MRPS18C: variants seen among roughly 807,000 people sequenced by gnomAD.
MRPS18C encodes mitochondrial ribosomal protein S18C, also known as small ribosomal subunit protein bS18m.
MRPS18C carries 21 observed loss-of-function variants against 21.0 expected under a neutral mutation model. The observed-to-expected ratio is 1.00, with a 90% CI of 0.71 to 1.44. The LOEUF (loss-of-function observed/expected upper bound fraction) is 1.44, where lower values mean the gene tolerates loss of function less well. Among genes scored for constraint, MRPS18C ranks in the 40% most tolerant of loss-of-function variants. MRPS18C has a pLI of 0.00. For missense variants in MRPS18C, 152 were observed against 171.5 expected, an observed-to-expected ratio of 0.89 and a Z score of 0.64; for synonymous variants, 65 against 54.3, an observed-to-expected ratio of 1.20 and a Z score of -0.87.
intron 3 of MRPS18C, chr4:83,458,646 G>T: frequency 2.5e-6 from 1 of 407,230 alleles, no homozygotes; most frequent in South Asian, 3.4e-5. Flanking sequence ...TTTCCACTCT[G>T]TTTTTTTCAC....
chr4:83,456,657 G>A (rs1360065466), intron 1 of MRPS18C, among the ~76,000 whole-genome samples: 2 of 152,090 alleles, frequency 1.3e-5, no homozygotes, highest in Non-Finnish European at 2.9e-5. Flanking sequence ...ATGGAATGAA[G>A]GGAAAATAAA....
At position 83,456,111 on chromosome 4, in the gene MRPS18C, G is replaced by C. The variant is rs755793620; in HGVS notation, c.34G>C (p.Gly12Arg). The change falls in exon 1 of 6, where the codon GGG (glycine) becomes CGG (arginine). Residue 12 changes from glycine to arginine, a missense_variant. Gly to Arg is a moderately radical substitution (Grantham distance 125). This residue lies in a region of MRPS18C where 118 missense variants were observed against 104.4 expected (regional missense o/e 1.13). Coordinates refer to ENST00000295491, the MANE Select transcript of MRPS18C (RefSeq NM_016067.4). ...TGTGGTTGCTGTTTGCGGTGGTCTA[G>C]GGAGGAAGAAGTTGACACACTTGGT... ...AAVVAVCGGL[G>R]RKKLTHLVTA... The C allele has an allele frequency of 1.2e-5, 20 of 1,612,892 alleles. No homozygotes were observed. The highest frequency in any genetic ancestry group is 1.7e-5 in the Non-Finnish European group (20 of 1,180,030).
intron 1 of MRPS18C, 104 bp from the exon 2 acceptor site, chr4:83,456,805 T>A (rs987143310): frequency 2.0e-5 from 23 of 1,129,804 alleles, no homozygotes; most frequent in African/African-American, 4.7e-5. Flanking sequence ...AACCTTTCTT[T>A]AATATCGTGT....
chr4:83,459,802 G>T lies in MRPS18C; in HGVS notation c.292+5G>T, dbSNP rs12505955. 647,713 of 1,581,958 alleles carry T rather than the reference G, an allele frequency of 0.41. 139,031 individuals carry two copies. Among genetic ancestry groups the T allele is most frequent in the East Asian group, 0.64 (28,608 of 44,378 alleles). On this transcript the variant is annotated splice_donor_5th_base_variant and intron_variant, in intron 4 of 5. Coordinates refer to ENST00000295491, the MANE Select transcript of MRPS18C (RefSeq NM_016067.4). ...TTTATGGAAGGCACATTACAGGTATGTTCTTTTTTATTATGGGAATATAAA... is the reference window on the plus strand; with the variant it reads ...TTTATGGAAGGCACATTACAGGTATTTTCTTTTTTATTATGGGAATATAAA...
chr4:83,456,250 C>G (rs1721817316), intron 1 of MRPS18C, 73 bp downstream of exon 1: 1 of 1,303,906 alleles, frequency 7.7e-7, no homozygotes, highest in African/African-American at 1.5e-5. Context: ...TTAGAGTCGT[C>G]CCTGTTAGCA....
At position 83,462,238 on chromosome 4, in the gene MRPS18C, C is replaced by T; in HGVS notation, c.*1041C>T. The T allele has an allele frequency of 1.2e-5, 6 of 480,096 alleles. No homozygotes were observed. In the South Asian group the frequency reaches 1.5e-4, roughly 12 times the overall value. The allele number at this position is 480,096 out of a possible 1,614,324, so 29.7% of individuals were successfully genotyped here. ...AATGTGTCTGTGTAAGCCTTCCCCT[C>T]AACAACTTAGTGAAAGGTGAAAAAA... On this transcript the variant is annotated 3_prime_UTR_variant, in exon 6 of 6. Transcript: ENST00000295491.
At chr4:83,458,462 G>C (rs777519260) in intron 3 of MRPS18C, 33 bp downstream of exon 3, 9 of 1,498,168 alleles carry the variant, frequency 6.0e-6, no homozygotes, top group Middle Eastern at 1.7e-4. Flanking sequence ...TATATTTTAG[G>C]GTTTTGCTTC....
chr4:83,459,528 CT>C, intron 3 of MRPS18C: 1 of 456,498 alleles, frequency 2.2e-6, no homozygotes, highest in Non-Finnish European at 3.9e-6. Flanking sequence ...GCTGATTAAT[CT>C]GCTGTTTAAT....
At position 83,461,234 on chromosome 4, in the gene MRPS18C, G is replaced by C. The variant is rs762021545; in HGVS notation, c.*37G>C. On this transcript the variant is annotated 3_prime_UTR_variant, in exon 6 of 6. Transcript: ENST00000295491. ...TTACCACTAATAAACTTATTTTACA[G>C]TAAGTGGTTGTATGATGCCAATACT... is the stretch of plus-strand genomic sequence containing the variant. 1.9e-6 allele frequency: 3 copies of C among 1,573,726 alleles called. No individual in the cohort carries two copies. In the East Asian group the frequency reaches 6.7e-5, roughly 35 times the overall value.
At chr4:83,458,257 C>G (rs1290784678) in intron 2 of MRPS18C, 89 bp from the exon 3 acceptor site, 1 of 915,872 alleles carries the variant, frequency 1.1e-6, no homozygotes, top group East Asian at 2.6e-5. Context: ...TATAACTAAT[C>G]CTTTGAATGG....
chr4:83,458,110 ACAT>A (rs577294307), intron 2 of MRPS18C: 200 of 403,312 alleles, frequency 5.0e-4, no homozygotes, highest in African/African-American at 4.0e-3. Flanking sequence ...TTCTTATCAG[ACAT>A]CATTTTTGTT....
chr4:83,460,614 CTTG>C (rs760195987), intron 4 of MRPS18C: 28 of 216,420 alleles, frequency 1.3e-4, no homozygotes, highest in South Asian at 5.4e-4. Context: ...GACTTAAAAA[CTTG>C]TTGAGGCTGG....
intron 1 of MRPS18C, among the ~76,000 whole-genome samples, chr4:83,456,403 G>A (rs1178869682): frequency 6.6e-6 from 1 of 152,154 alleles, no homozygotes; most frequent in Admixed American, 6.5e-5. Flanking sequence ...TTAAAAAGCA[G>A]AGACTTTCCT....
chr4:83,462,216 G>A lies in MRPS18C; in HGVS notation c.*1019G>A. 1 of 400,826 alleles carries A rather than the reference G, an allele frequency of 2.5e-6. No homozygotes were observed. Among genetic ancestry groups the A allele is most frequent in the South Asian group, 3.3e-5 (1 of 30,316 alleles). The allele number at this position is 400,826 out of a possible 1,614,324, so 24.8% of individuals were successfully genotyped here. On this transcript the variant is annotated 3_prime_UTR_variant, in exon 6 of 6. Transcript: ENST00000295491. ...TCTCACTTTTCCAATTCTAAAGAAT[G>A]TGTCTGTGTAAGCCTTCCCCTCAAC...
At chr4:83,457,010 T>G in intron 2 of MRPS18C, 52 bp downstream of exon 2, 1 of 1,506,366 alleles carries the variant, frequency 6.6e-7, no homozygotes, top group Non-Finnish European at 9.1e-7. Flanking sequence ...GACCAAAATG[T>G]TTTTCTTTTT....
chr4:83,461,861 T>G lies in MRPS18C; in HGVS notation c.*664T>G, dbSNP rs1722131378. On this transcript the variant is annotated 3_prime_UTR_variant, in exon 6 of 6. Coordinates refer to ENST00000295491, the MANE Select transcript of MRPS18C (RefSeq NM_016067.4). ...GTGTAATAATTAAGGCTGCCAGATT[T>G]AGCAAGTACAAATGTAGGACAAATT... The G allele has an allele frequency of 4.4e-6, 1 of 228,236 alleles. No homozygotes were observed. Among genetic ancestry groups the G allele is most frequent in the South Asian group, 1.8e-4 (1 of 5,514 alleles). 14.1% of individuals were successfully genotyped at this position (228,236 alleles called of 1,614,324 possible).
chr4:83,457,107 TACTC>T (rs1356610027), intron 2 of MRPS18C, 149 bp downstream of exon 2: 6 of 607,984 alleles, frequency 9.9e-6, no homozygotes, highest in Non-Finnish European at 1.4e-5. Flanking sequence ...ATTTGATAAT[TACTC>T]TGAGTTCAGA....
chr4:83,460,694 A>G (rs997529080), intron 4 of MRPS18C: 4 of 335,736 alleles, frequency 1.2e-5, no homozygotes, highest in African/African-American at 2.2e-5. Flanking sequence ...ACCTGAGGCC[A>G]GGAGTTCAGG....
rs80269731 is a variant in MRPS18C at position 83,456,981 on chromosome 4, G to A, written c.150+23G>A. ...CTGGTAAGAATTTTTTTTTCTATTA[G>A]TAAGGCCTTTGCAAATATGACCAAA... is the stretch of plus-strand genomic sequence containing the variant. On this transcript the variant is annotated intron_variant, in intron 2 of 5. Coordinates refer to ENST00000295491, the MANE Select transcript of MRPS18C (RefSeq NM_016067.4). The A allele has an allele frequency of 1.7e-3, 2,706 of 1,604,876 alleles. 34 individuals are homozygous for A. In the African/African-American group the frequency reaches 0.032, roughly 19 times the overall value.
Sources: gnomAD v4.1 joint callset for allele counts (sites outside exome capture counted in the v4.1 genomes callset) on GRCh38, gnomAD v4.1.1 for gene constraint, gnomAD v4.1.1 regional missense constraint, MANE v1.5 for transcripts, NCBI Gene and HGNC (gene_info 2026-07-23, HGNC 2026-07-21) for gene names.